Variants in RMDN2 observed in about 807,000 individuals in gnomAD.
RMDN2 encodes regulator of microtubule dynamics 2.
Under a neutral mutation model 52.8 loss-of-function variants are expected in RMDN2, and 61 were observed. That is an observed-to-expected ratio of 1.16 (90% CI 0.94 to 1.43). The LOEUF is 1.43. RMDN2 is among the 40% of genes most tolerant of loss of function. The pLI is 0.00. For synonymous variants in RMDN2, 180 were observed against 153.1 expected (o/e 1.18, Z -1.30); for missense variants, 592 against 475.3 (o/e 1.25, Z -2.28).
chr2:37,935,703 A>G (rs768590905), intron 2 of RMDN2, among the ~76,000 whole-genome samples: 16 of 152,286 alleles, frequency 1.1e-4, no homozygotes, highest in Admixed American at 6.5e-5. Flanking sequence ...TCTTCTTAAA[A>G]TTTACATACA....
chr2:38,042,396 C>G (rs962160197), intron 10 of RMDN2, among the ~76,000 whole-genome samples: 1 of 127,898 alleles, frequency 7.8e-6, no homozygotes, highest in East Asian at 3.5e-4. Context: ...TCCAAAACCT[C>G]CCCCCGCCAC....
At chr2:37,988,219 A>G (rs934483087) in intron 5 of RMDN2, among the ~76,000 whole-genome samples, 1 of 152,234 alleles carries the variant, frequency 6.6e-6, no homozygotes, top group Non-Finnish European at 1.5e-5. Flanking sequence ...TGAGGCAACA[A>G]TAAGTTTTTA....
chr2:38,017,992 C>T (rs1053563670), downstream of RMDN2, among the ~76,000 whole-genome samples: 4 of 152,012 alleles, frequency 2.6e-5, no homozygotes, highest in Non-Finnish European at 5.9e-5. Flanking sequence ...AGGATGAGCC[C>T]GGAGAAGGAA....
chr2:37,959,659 C>T (rs1228667074), intron 2 of RMDN2, among the ~76,000 whole-genome samples: 2 of 150,944 alleles, frequency 1.3e-5, no homozygotes, highest in African/African-American at 5.0e-5. Flanking sequence ...TTCAGTTCTG[C>T]TCAGATCTTA....
At chr2:37,961,012 T>G (rs1289860714) in intron 2 of RMDN2, among the ~76,000 whole-genome samples, 2 of 152,210 alleles carry the variant, frequency 1.3e-5, no homozygotes, top group African/African-American at 2.4e-5. Context: ...TTTTGAATAT[T>G]GGCCCCCACT....
At chr2:38,021,485 C>T (rs527495742), downstream of RMDN2, among the ~76,000 whole-genome samples, 6 of 152,206 alleles carry the variant, frequency 3.9e-5, no homozygotes, top group Non-Finnish European at 8.8e-5. Flanking sequence ...ACACTCACCG[C>T]GAAGGTCTGC....
chr2:37,979,186 C>G (rs1007333093), intron 4 of RMDN2, among the ~76,000 whole-genome samples: 2 of 151,800 alleles, frequency 1.3e-5, no homozygotes, highest in Non-Finnish European at 2.9e-5. Flanking sequence ...AATATTTATT[C>G]AAAATTATTT....
At chr2:38,027,980 G>A (rs935253969) in intron 10 of RMDN2, 2 of 152,158 alleles carry the variant, frequency 1.3e-5, no homozygotes, top group Non-Finnish European at 2.9e-5. Context: ...TATAATGATA[G>A]TGACCTCCCA....
chr2:37,922,993 C>G (rs1353847180), upstream of RMDN2, among the ~76,000 whole-genome samples: 1 of 152,192 alleles, frequency 6.6e-6, no homozygotes, highest in Non-Finnish European at 1.5e-5. Context: ...TGTACCCACT[C>G]CTCCCAAATG....
intron 5 of RMDN2, among the ~76,000 whole-genome samples, chr2:37,982,171 C>T (rs1673406129): frequency 6.6e-6 from 1 of 152,188 alleles, no homozygotes; most frequent in Non-Finnish European, 1.5e-5. Flanking sequence ...CTTAAAATGA[C>T]TCCCTTTCCA....
At chr2:38,016,308 T>C (rs1678774700) in intron 10 of RMDN2, among the ~76,000 whole-genome samples, 1 of 152,208 alleles carries the variant, frequency 6.6e-6, no homozygotes, top group East Asian at 1.9e-4. Context: ...ATAATGAGTA[T>C]GAGGAAGTTG....
intron 10 of RMDN2, among the ~76,000 whole-genome samples, chr2:38,031,256 CTTTTTTTTT>C (rs552306141): frequency 7.7e-4 from 81 of 105,870 alleles, no homozygotes; most frequent in African/African-American, 2.6e-3. Flanking sequence ...CTTTGTTTCC[CTTTTTTTTT>C]TTTTTTTTTT....
intron 10 of RMDN2, among the ~76,000 whole-genome samples, chr2:38,033,709 A>G (rs1318342050): frequency 2.0e-5 from 3 of 152,226 alleles, no homozygotes; most frequent in Admixed American, 1.3e-4. Context: ...AATATTCACT[A>G]TATAATTAAG....
chr2:37,946,620 G>A (rs542811564), intron 2 of RMDN2, among the ~76,000 whole-genome samples: 2 of 152,246 alleles, frequency 1.3e-5, no homozygotes, highest in Non-Finnish European at 1.5e-5. Flanking sequence ...GTAGAAGAGG[G>A]AATTAACTAG....
At chr2:37,977,125 G>A (rs954067760) in intron 4 of RMDN2, among the ~76,000 whole-genome samples, 2 of 152,192 alleles carry the variant, frequency 1.3e-5, no homozygotes, top group Non-Finnish European at 2.9e-5. Flanking sequence ...TTAACCCTTA[G>A]TGGACACAGC....
downstream of RMDN2, among the ~76,000 whole-genome samples, chr2:38,018,566 T>C (rs557450818): frequency 2.0e-4 from 31 of 152,320 alleles, no homozygotes; most frequent in African/African-American, 3.1e-4. Flanking sequence ...AAAAATGTTA[T>C]AGGCAACGGC....
rs1361763146 is a variant in RMDN2 at position 38,003,986 on chromosome 2, A to C, written c.1045-5A>C. 1.9e-6 allele frequency: 3 copies of C among 1,609,756 alleles called. No homozygotes were observed. The highest frequency in any genetic ancestry group is 2.6e-6 in the Non-Finnish European group (3 of 1,176,382). ...TTATTCTCTCATGTTTTTCTCTCAA[A>C]TCAGGCTGAAGAACTATGCCCTGGT... is the stretch of plus-strand genomic sequence containing the variant. On this transcript the variant is annotated splice_region_variant and splice_polypyrimidine_tract_variant and intron_variant, in intron 8 of 10. Coordinates refer to ENST00000354545, the MANE Select transcript of RMDN2 (RefSeq NM_001170791.3).
At chr2:37,925,075 C>T (rs1666157305), upstream of RMDN2, among the ~76,000 whole-genome samples, 1 of 152,132 alleles carries the variant, frequency 6.6e-6, no homozygotes, top group East Asian at 1.9e-4. Flanking sequence ...GCCCAGAGCC[C>T]AGGCGGGGGA....
At chr2:37,977,485 C>CG (rs1672654634) in intron 4 of RMDN2, among the ~76,000 whole-genome samples, 1 of 150,236 alleles carries the variant, frequency 6.7e-6, no homozygotes, top group South Asian at 2.1e-4. Context: ...ACCTCCCGGA[C>CG]GGGGCGGCTG....
Sources: gnomAD v4.1 joint callset for allele counts (sites outside exome capture counted in the v4.1 genomes callset) on GRCh38, gnomAD v4.1.1 for gene constraint, MANE v1.5 for transcripts, NCBI Gene and HGNC (gene_info 2026-07-23, HGNC 2026-07-21) for gene names.